The following ZFYVE28 variants were observed in gnomAD, a reference collection of about 807,000 sequenced individuals.
ZFYVE28 encodes the protein lateral signaling target protein 2 homolog.
ZFYVE28 carries 40 observed loss-of-function variants against 82.1 expected under a neutral mutation model. The observed-to-expected ratio is 0.49, with a 90% CI of 0.38 to 0.63. The LOEUF is 0.63. Ranked by LOEUF, ZFYVE28 falls within the 30% of genes least tolerant of loss-of-function variation. The probability of loss-of-function intolerance (pLI) is 0.00; values close to 1 mark genes in which losing one functional copy is unlikely to be tolerated. For missense variants in ZFYVE28, 1,321 were observed against 1,242.1 expected, an observed-to-expected ratio of 1.06 and a Z score of -0.96; for synonymous variants, 612 against 546.1, an observed-to-expected ratio of 1.12 and a Z score of -1.68.
intron 1 of ZFYVE28, among the ~76,000 whole-genome samples, chr4:2,368,291 AC>A (rs541455514): frequency 4.7e-4 from 71 of 151,688 alleles, no homozygotes; most frequent in African/African-American, 1.7e-3. Context: ...AGTCTCAGCT[AC>A]TCAGGAGGCT....
chr4:2,284,422 C>T (rs990075923), intron 8 of ZFYVE28, among the ~76,000 whole-genome samples: 16 of 152,132 alleles, frequency 1.1e-4, no homozygotes, highest in South Asian at 4.1e-4. Flanking sequence ...AGGAGGAGAG[C>T]GCGACGGGGC....
At chr4:2,395,463 A>C (rs775378425) in intron 1 of ZFYVE28, among the ~76,000 whole-genome samples, 1 of 152,142 alleles carries the variant, frequency 6.6e-6, no homozygotes, top group Non-Finnish European at 1.5e-5. Context: ...CTCCCCACAC[A>C]CAGGCACCAG....
At chr4:2,313,877 TTC>T (rs1357221265) in intron 7 of ZFYVE28, among the ~76,000 whole-genome samples, 2 of 150,646 alleles carry the variant, frequency 1.3e-5, no homozygotes, top group African/African-American at 4.9e-5. Context: ...AGAACGTGAA[TTC>T]TGGCAATTGT....
At chr4:2,388,750 C>G (rs1729528478) in intron 1 of ZFYVE28, among the ~76,000 whole-genome samples, 1 of 152,092 alleles carries the variant, frequency 6.6e-6, no homozygotes, top group Non-Finnish European at 1.5e-5. Context: ...GGATCCCTCC[C>G]CTACCAAACT....
intron 8 of ZFYVE28, among the ~76,000 whole-genome samples, chr4:2,279,227 C>T (rs886175296): frequency 2.0e-5 from 3 of 152,158 alleles, no homozygotes; most frequent in Non-Finnish European, 2.9e-5. Context: ...ACATCAGGAG[C>T]TCGAGACCAG....
Position 2,270,729 on chromosome 4 carries a change from A to C in ZFYVE28, c.2660T>G (p.Leu887Arg). 6.2e-7 allele frequency: 1 copy of C among 1,613,110 alleles called. No individual in the cohort carries two copies. Among genetic ancestry groups the C allele is most frequent in the Non-Finnish European group, 8.5e-7 (1 of 1,179,886 alleles). Residue 887 changes from leucine (L) to arginine (R), a missense_variant, in exon 13 of 13, where the codon CTG (leucine) becomes CGG (arginine). Physicochemically the swap from Leu to Arg is moderately radical, Grantham distance 102. This residue lies in a region of ZFYVE28 where 978 missense variants were observed against 833.7 expected (regional missense o/e 1.17). Transcript: ENST00000290974. ...VTPFYSDKAG[L>R] ...GGGGCTGCCCCTGGCACCACGTCAC[A>C]GGCCGGCCTTGTCGCTGTAGAAGGG...
At position 2,320,690 on chromosome 4, in the gene ZFYVE28, A is replaced by G. The variant is rs758447151; in HGVS notation, c.702-419T>C. Reference sequence around the variant, plus strand: ...AACTGGACCTGGAACCATCTTCTCCAAAAGCAAAACCAGCTGGAGGTGCGA... The same window carrying G: ...AACTGGACCTGGAACCATCTTCTCCGAAAGCAAAACCAGCTGGAGGTGCGA... On this transcript the variant is annotated intron_variant, in intron 6 of 12. Coordinates refer to ENST00000290974, the MANE Select transcript of ZFYVE28 (RefSeq NM_020972.3). This position sits in a 1 kb window ranked among gnomAD's most constrained non-coding sequence, Gnocchi z 5.1. Among the ~76,000 whole-genome samples the G allele has an allele frequency of 3.9e-5, 6 of 152,306 alleles. No individual in the cohort carries two copies. The highest frequency in any genetic ancestry group is 7.4e-5 in the Non-Finnish European group (5 of 68,022).
At chr4:2,402,767 A>C (rs551298554) in intron 1 of ZFYVE28, among the ~76,000 whole-genome samples, 1 of 152,254 alleles carries the variant, frequency 6.6e-6, no homozygotes, top group East Asian at 1.9e-4. Context: ...CCCACATCTA[A>C]TGATACACCA....
At chr4:2,312,342 A>T (rs1164233179) in intron 7 of ZFYVE28, among the ~76,000 whole-genome samples, 2 of 152,236 alleles carry the variant, frequency 1.3e-5, no homozygotes, top group African/African-American at 2.4e-5. Flanking sequence ...GTTCAAAACC[A>T]GCCTGGGCAA....
rs1314294775 is a variant in ZFYVE28 at position 2,304,846 on chromosome 4, T to C, written c.1494A>G (p.Ala498=). The change falls in exon 8 of 13, where the codon GCA becomes GCG. Residue 498 remains alanine, a synonymous_variant. Coordinates refer to ENST00000290974, the MANE Select transcript of ZFYVE28 (RefSeq NM_020972.3). ...LDGWEVGADD[A]ETAEMIAHRT... ...GGTGGGCGATCATCTCAGCCGTCTC[T>C]GCGTCATCCGCACCCACCTCCCAGC... The C allele has an allele frequency of 2.5e-6, 4 of 1,612,674 alleles. No individual in the cohort carries two copies. Among genetic ancestry groups the C allele is most frequent in the Middle Eastern group, 3.3e-4 (2 of 6,062 alleles).
chr4:2,370,935 C>T (rs1487569779), intron 1 of ZFYVE28, among the ~76,000 whole-genome samples: 2 of 152,234 alleles, frequency 1.3e-5, no homozygotes, highest in Non-Finnish European at 2.9e-5. Flanking sequence ...CCAGGTGCTT[C>T]CACTGAGAAG....
intron 1 of ZFYVE28, among the ~76,000 whole-genome samples, chr4:2,383,263 A>G (rs770897302): frequency 6.6e-6 from 1 of 152,056 alleles, no homozygotes; most frequent in African/African-American, 2.4e-5. Context: ...GGTGGGAGGT[A>G]ATTGAATCAT....
intron 1 of ZFYVE28, among the ~76,000 whole-genome samples, chr4:2,402,851 C>T (rs1731346128): frequency 6.6e-6 from 1 of 152,174 alleles, no homozygotes; most frequent in African/African-American, 2.4e-5. Flanking sequence ...ACTGACCCAT[C>T]CCTGCAGGGC....
In ZFYVE28 at chr4:2,307,536, A is replaced by G. The variant is rs576635768; in HGVS notation, c.804-2000T>C. On this transcript the variant is annotated intron_variant, in intron 7 of 12. Transcript: ENST00000290974. ...AGTCATGGTCTTGCTCTGTGGCCCA[A>G]ATCTGGGATGATCATGGCCCACTGG... 2.0e-5 allele frequency among the ~76,000 whole-genome samples: 3 copies of G among 152,224 alleles called. No homozygotes were observed. The East Asian group carries it at 5.8e-4, about 29-fold the overall frequency.
Position 2,404,777 on chromosome 4 carries a change from C to T in ZFYVE28, c.39+13508G>A, listed in dbSNP as rs376754386. ...GAGAGCCAATGGCTGCACCACATTG[C>T]GAATACAGGAAATATCACTGATGGT... On this transcript the variant is annotated intron_variant, in intron 1 of 12. Transcript: ENST00000290974. Among the ~76,000 whole-genome samples the T allele has an allele frequency of 8.4e-4, 128 of 151,544 alleles. 1 individual carries two copies. The highest frequency in any genetic ancestry group is 2.3e-3 in the African/African-American group (96 of 41,244).
intron 1 of ZFYVE28, among the ~76,000 whole-genome samples, chr4:2,403,399 T>A (rs1731410150): frequency 6.6e-6 from 1 of 152,274 alleles, no homozygotes; most frequent in Non-Finnish European, 1.5e-5. Flanking sequence ...ACACGCAATA[T>A]GAGCCTTCCA....
intron 1 of ZFYVE28, 56 bp from the exon 2 acceptor site, chr4:2,354,129 C>T (rs935384227): frequency 2.3e-5 from 32 of 1,413,878 alleles, no homozygotes; most frequent in Non-Finnish European, 2.7e-5. Context: ...GGGGATGCCT[C>T]GGTTGGTTGC....
At position 2,408,779 on chromosome 4, in the gene ZFYVE28, A is replaced by T. The variant is rs1245103629; in HGVS notation, c.39+9506T>A. On this transcript the variant is annotated intron_variant, in intron 1 of 12. Coordinates refer to ENST00000290974, the MANE Select transcript of ZFYVE28 (RefSeq NM_020972.3). The surrounding 1 kb of genome is among the most constrained non-coding windows in gnomAD (Gnocchi z 4.3). ...TGGCCCCACACTGTGAGTCCTGCCC[A>T]TATAAGCCCCACCTAGATGAAGCCA... Among the ~76,000 whole-genome samples the T allele has an allele frequency of 1.3e-5, 2 of 151,948 alleles. No individual in the cohort carries two copies. The highest frequency in any genetic ancestry group is 2.9e-5 in the Non-Finnish European group (2 of 67,970).
rs1578366685 is a variant in ZFYVE28 at position 2,394,362 on chromosome 4, A to C, written c.39+23923T>G. 6.6e-6 allele frequency among the ~76,000 whole-genome samples: 1 copy of C among 151,736 alleles called. No homozygotes were observed. The highest frequency in any genetic ancestry group is 2.4e-5 in the African/African-American group (1 of 41,236). On this transcript the variant is annotated intron_variant, in intron 1 of 12. Coordinates refer to ENST00000290974, the MANE Select transcript of ZFYVE28 (RefSeq NM_020972.3). The surrounding 1 kb of genome is among the most constrained non-coding windows in gnomAD (Gnocchi z 4.0). ...CGCAGGTGGCACAGCTGGGTCACCC[A>C]CCCCAGCAGCCACGTATGCGATCCC... is the stretch of plus-strand genomic sequence containing the variant.
Sources: gnomAD v4.1 joint callset for allele counts (sites outside exome capture counted in the v4.1 genomes callset) on GRCh38, gnomAD v4.1.1 for gene constraint, gnomAD v4.1.1 regional missense constraint, Gnocchi (gnomAD v3.1) non-coding constraint, MANE v1.5 for transcripts, NCBI Gene and HGNC (gene_info 2026-07-23, HGNC 2026-07-21) for gene names.